The following DLG2 variants were observed in gnomAD, a reference collection of about 807,000 sequenced individuals.
The protein encoded by DLG2 is discs large MAGUK scaffold protein 2.
DLG2 carries 45 observed loss-of-function variants against 132.5 expected under a neutral mutation model. The observed-to-expected ratio is 0.34, with a 90% confidence interval of 0.27 to 0.44. The LOEUF is 0.44. DLG2 is among the 20% of genes least tolerant of loss of function. DLG2 has a pLI of 1.00. For missense variants in DLG2, 1,045 were observed against 1,196.9 expected, an observed-to-expected ratio of 0.87 and a Z score of 1.87; for synonymous variants, 424 against 419.6, an observed-to-expected ratio of 1.01 and a Z score of -0.13.
intron 11 of DLG2, among the ~76,000 whole-genome samples, chr11:83,990,898 A>T (rs76700832): frequency 6.6e-6 from 1 of 152,010 alleles, no homozygotes. Flanking sequence ...CACAGAATCT[A>T]TCTTGAACCC....
At chr11:85,316,423 C>T (rs1054820040) in intron 3 of DLG2, among the ~76,000 whole-genome samples, 52 of 152,018 alleles carry the variant, frequency 3.4e-4, no homozygotes, top group African/African-American at 1.1e-3. Flanking sequence ...GGTACTATCT[C>T]CTACCAAGTG....
chr11:85,070,584 CTT>C (rs1263009448), intron 6 of DLG2, among the ~76,000 whole-genome samples: 1 of 151,764 alleles, frequency 6.6e-6, no homozygotes, highest in Non-Finnish European at 1.5e-5. Flanking sequence ...TGTTTTAAAA[CTT>C]TAAGAAGTAT....
intron 6 of DLG2, among the ~76,000 whole-genome samples, chr11:84,571,885 T>C (rs561253531): frequency 1.3e-5 from 2 of 152,204 alleles, no homozygotes; most frequent in South Asian, 4.2e-4. Context: ...AATAACCAGT[T>C]TCACTTACTG....
intron 11 of DLG2, among the ~76,000 whole-genome samples, chr11:84,055,152 C>T (rs80060754): frequency 0.013 from 2,014 of 152,106 alleles, 40 homozygotes; most frequent in African/African-American, 0.044. Context: ...TTCCCTCTGT[C>T]CTCAGAGATT....
intron 6 of DLG2, among the ~76,000 whole-genome samples, chr11:84,671,241 G>C (rs1449258627): frequency 2.0e-5 from 3 of 151,924 alleles, no homozygotes; most frequent in African/African-American, 7.3e-5. Flanking sequence ...TGTGACTATA[G>C]GTACATGCCA....
At chr11:85,423,647 G>T (rs900883215) in intron 3 of DLG2, among the ~76,000 whole-genome samples, 1 of 152,114 alleles carries the variant, frequency 6.6e-6, no homozygotes, top group African/African-American at 2.4e-5. Flanking sequence ...GGTCAATGGA[G>T]TTATGTTCCT....
At chr11:84,325,613 G>T (rs906097666) in intron 7 of DLG2, among the ~76,000 whole-genome samples, 1 of 152,050 alleles carries the variant, frequency 6.6e-6, no homozygotes, top group Non-Finnish European at 1.5e-5. Flanking sequence ...TTTGGCCATG[G>T]TATATGATCT....
intron 6 of DLG2, among the ~76,000 whole-genome samples, chr11:84,714,595 T>TTCTCTTTCTTTC (rs1351118874): frequency 1.5e-3 from 161 of 103,876 alleles, no homozygotes; most frequent in South Asian, 8.3e-3. Context: ...CTCTTTCTCT[T>TTCTCTTTCTTTC]TCTTTCTCTT....
intron 6 of DLG2, among the ~76,000 whole-genome samples, chr11:84,689,748 C>A: frequency 6.6e-6 from 1 of 151,774 alleles, no homozygotes; most frequent in East Asian, 1.9e-4. Context: ...AATTTTGGTA[C>A]TACCATATTG....
At chr11:85,594,769 T>C (rs2079612287) in intron 3 of DLG2, among the ~76,000 whole-genome samples, 1 of 152,078 alleles carries the variant, frequency 6.6e-6, no homozygotes, top group South Asian at 2.1e-4. Context: ...CAAAAATAAT[T>C]TTTAAAAATG....
At chr11:85,430,689 G>A (rs568382025) in intron 3 of DLG2, among the ~76,000 whole-genome samples, 2 of 152,110 alleles carry the variant, frequency 1.3e-5, no homozygotes, top group Non-Finnish European at 2.9e-5. Context: ...ACAGGACAGG[G>A]TTTATGTTTG....
chr11:84,769,734 A>AGG (rs2068970106), intron 6 of DLG2, among the ~76,000 whole-genome samples: 1 of 152,174 alleles, frequency 6.6e-6, no homozygotes, highest in African/African-American at 2.4e-5. Flanking sequence ...CTAGAGAAAA[A>AGG]GGCCACATTA....
rs924822093 is a variant in DLG2, at chr11:84,729,615, T to C, written c.358-194884A>G. 9.9e-5 allele frequency among the ~76,000 whole-genome samples: 15 copies of C among 152,180 alleles called. No individual in the cohort carries two copies. The East Asian group carries it at 2.7e-3, about 27-fold the overall frequency. The stretch of plus-strand genomic sequence containing the variant: ...TCTAAGTCCTCTATGTCCACTCACC[T>C]ATCCCCAAGTATAGACTACTTTGAG... On this transcript the variant is annotated intron_variant, in intron 6 of 27. Coordinates refer to ENST00000376104, the MANE Select transcript of DLG2 (RefSeq NM_001142699.3).
At position 83,993,734 on chromosome 11, in the gene DLG2, A is replaced by G. The variant is rs1298534885; in HGVS notation, c.920-13092T>C. ...CTCTAGCTATCAAGCACATCTGTCT[A>G]TGCAGTTTTTCCAAGTTAATTTTTG... On this transcript the variant is annotated intron_variant, in intron 11 of 27. Transcript: ENST00000376104. Among the ~76,000 whole-genome samples the G allele has an allele frequency of 2.6e-5, 4 of 152,178 alleles. No individual in the cohort carries two copies. In the East Asian group the frequency reaches 5.8e-4, roughly 22 times the overall value.
intron 7 of DLG2, 25 bp downstream of exon 7, chr11:84,534,545 A>C: frequency 5.6e-6 from 9 of 1,608,022 alleles, no homozygotes; most frequent in Non-Finnish European, 7.7e-6. Flanking sequence ...ACCAACTATA[A>C]AGTCGGAAGA....
chr11:84,993,895 C>T (rs1234436897), intron 6 of DLG2, among the ~76,000 whole-genome samples: 1 of 152,048 alleles, frequency 6.6e-6, no homozygotes, highest in East Asian at 1.9e-4. Flanking sequence ...CAGGGGTCTG[C>T]AGGAACAGAC....
intron 8 of DLG2, among the ~76,000 whole-genome samples, chr11:84,228,016 A>G (rs2097030743): frequency 6.6e-6 from 1 of 151,944 alleles, no homozygotes; most frequent in African/African-American, 2.4e-5. Flanking sequence ...ATGTTGTATT[A>G]TCTGATTATC....
At chr11:84,826,797 T>C (rs928498273) in intron 6 of DLG2, among the ~76,000 whole-genome samples, 1 of 151,840 alleles carries the variant, frequency 6.6e-6, no homozygotes, top group African/African-American at 2.4e-5. Context: ...TCAATTTTCT[T>C]TGGTCCTTCC....
intron 7 of DLG2, among the ~76,000 whole-genome samples, chr11:84,277,903 T>G (rs900578140): frequency 6.6e-6 from 1 of 152,170 alleles, no homozygotes; most frequent in Admixed American, 6.5e-5. Flanking sequence ...AGGAAATCTT[T>G]ATGTATGTAG....
Sources: gnomAD v4.1 joint callset for allele counts (sites outside exome capture counted in the v4.1 genomes callset) on GRCh38, gnomAD v4.1.1 for gene constraint, MANE v1.5 for transcripts, NCBI Gene and HGNC (gene_info 2026-07-23, HGNC 2026-07-21) for gene names.